RANBP17: variants seen among roughly 807,000 people sequenced by gnomAD.
RANBP17 encodes the protein ran-binding protein 17.
A neutral mutation model predicts 141.2 loss-of-function variants in RANBP17; 158 were observed. The ratio of observed to expected loss-of-function variants is 1.12; its 90% confidence interval spans 0.98 to 1.28. The LOEUF is 1.28. RANBP17 is among the 50% of genes most tolerant of loss of function. The pLI, the probability that RANBP17 is intolerant of heterozygous loss-of-function variation, is 0.00. For synonymous variants in RANBP17, 430 were observed against 450.0 expected, an observed-to-expected ratio of 0.96 and a Z score of 0.56; for missense variants, 1,438 against 1,290.7, an observed-to-expected ratio of 1.11 and a Z score of -1.75.
At chr5:171,263,610 A>C (rs922505825) in intron 24 of RANBP17, among the ~76,000 whole-genome samples, 1 of 152,188 alleles carries the variant, frequency 6.6e-6, no homozygotes, top group African/African-American at 2.4e-5. Flanking sequence ...GATGCCCTCA[A>C]GTAAGATCCT....
intron 12 of RANBP17, among the ~76,000 whole-genome samples, chr5:170,941,243 G>A (rs1774303504): frequency 1.3e-5 from 2 of 151,558 alleles, no homozygotes; most frequent in South Asian, 4.2e-4. Flanking sequence ...GGAGAAAGAA[G>A]GAAACGAAGC....
intron 21 of RANBP17, among the ~76,000 whole-genome samples, chr5:171,213,980 G>A (rs1248168639): frequency 3.9e-5 from 6 of 152,184 alleles, no homozygotes; most frequent in African/African-American, 7.2e-5. Flanking sequence ...TTGGAAGACT[G>A]CAGCCACCAT....
At chr5:170,933,575 A>G (rs1461435790) in intron 12 of RANBP17, among the ~76,000 whole-genome samples, 1 of 152,200 alleles carries the variant, frequency 6.6e-6, no homozygotes, top group Non-Finnish European at 1.5e-5. Context: ...CCCTCTACAC[A>G]ATGCTTTAAA....
rs193085102 is a variant in RANBP17, at chr5:171,027,510, A to G, written c.1710+59133A>G. ...TTTTTCTGAAATTTTTTGTTTTGCAACGTGCCTTCATAAGAAACTCATCGA... is the reference window on the plus strand; with the variant it reads ...TTTTTCTGAAATTTTTTGTTTTGCAGCGTGCCTTCATAAGAAACTCATCGA... On this transcript the variant is annotated intron_variant, in intron 14 of 27. Coordinates refer to ENST00000523189, the MANE Select transcript of RANBP17 (RefSeq NM_022897.5). 1.0e-3 allele frequency among the ~76,000 whole-genome samples: 152 copies of G among 152,134 alleles called. 2 individuals carry two copies. Among genetic ancestry groups the G allele is most frequent in the African/African-American group, 3.4e-3 (143 of 41,510 alleles).
intron 16 of RANBP17, among the ~76,000 whole-genome samples, chr5:171,173,988 C>G (rs1321440494): frequency 2.0e-5 from 3 of 152,128 alleles, no homozygotes; most frequent in African/African-American, 7.2e-5. Flanking sequence ...TAGTCTAGTT[C>G]CTAAATAATG....
chr5:170,968,476 G>A (rs761907584), intron 14 of RANBP17, 99 bp downstream of exon 14: 14 of 1,075,150 alleles, frequency 1.3e-5, no homozygotes, highest in Middle Eastern at 2.1e-4. Context: ...TACATAAGAC[G>A]TGTAATTGAT....
At chr5:171,280,627 T>C (rs1439302421) in intron 25 of RANBP17, among the ~76,000 whole-genome samples, 1 of 152,220 alleles carries the variant, frequency 6.6e-6, no homozygotes, top group Non-Finnish European at 1.5e-5. Flanking sequence ...TGTGAGTTTA[T>C]ATAGTGTGTT....
At chr5:171,244,483 G>C (rs1765089422) in intron 24 of RANBP17, among the ~76,000 whole-genome samples, 2 of 152,228 alleles carry the variant, frequency 1.3e-5, no homozygotes, top group Middle Eastern at 3.4e-3. Context: ...GTCTGACTCT[G>C]TTGCCCAGGC....
intron 14 of RANBP17, among the ~76,000 whole-genome samples, chr5:171,025,453 A>G (rs572914500): frequency 2.2e-4 from 33 of 152,168 alleles, no homozygotes; most frequent in African/African-American, 7.7e-4. Context: ...TCTTTCTTGC[A>G]TGGAATGGCT....
chr5:170,884,109 G>A (rs1423119328), intron 3 of RANBP17, among the ~76,000 whole-genome samples: 1 of 152,164 alleles, frequency 6.6e-6, no homozygotes, highest in African/African-American at 2.4e-5. Context: ...ATCCTTGCCA[G>A]CATTTGCCAT....
chr5:170,967,744 G>A (rs930077674), intron 13 of RANBP17, among the ~76,000 whole-genome samples: 1 of 151,468 alleles, frequency 6.6e-6, no homozygotes, highest in Non-Finnish European at 1.5e-5. Context: ...TATTCATTAA[G>A]GGCAGGATAT....
intron 12 of RANBP17, among the ~76,000 whole-genome samples, chr5:170,926,511 C>G (rs557484147): frequency 2.6e-5 from 4 of 152,052 alleles, no homozygotes; most frequent in South Asian, 4.1e-4. Flanking sequence ...CTTTCTTTCA[C>G]TGATTTGTAG....
chr5:171,252,996 C>T (rs1287055449), intron 24 of RANBP17: 36 of 1,232,730 alleles, frequency 2.9e-5, no homozygotes, highest in Non-Finnish European at 3.6e-5. Context: ...GAGGGGGAAC[C>T]GTGATGAAGA....
chr5:171,277,489 T>G (rs540854279), intron 25 of RANBP17, among the ~76,000 whole-genome samples: 19 of 151,250 alleles, frequency 1.3e-4, no homozygotes, highest in Non-Finnish European at 2.2e-4. Context: ...CCTGCAGGGT[T>G]TCTGGGACAT....
chr5:170,944,779 T>C (rs1214948831), intron 12 of RANBP17, among the ~76,000 whole-genome samples: 4 of 152,206 alleles, frequency 2.6e-5, no homozygotes, highest in African/African-American at 9.6e-5. Context: ...AAGAAAATGC[T>C]CATAATTAAT....
intron 25 of RANBP17, among the ~76,000 whole-genome samples, chr5:171,278,857 A>G (rs538277466): frequency 6.6e-6 from 1 of 152,336 alleles, no homozygotes; most frequent in Admixed American, 6.5e-5. Context: ...ACCAATGAGT[A>G]TAGACTTACC....
chr5:171,149,291 T>C (rs1758305938), intron 14 of RANBP17, among the ~76,000 whole-genome samples: 1 of 152,246 alleles, frequency 6.6e-6, no homozygotes, highest in Non-Finnish European at 1.5e-5. Context: ...ATGTGTCCAC[T>C]GAAGTCCACA....
At chr5:171,082,922 C>G (rs1390460859) in intron 14 of RANBP17, among the ~76,000 whole-genome samples, 1 of 150,458 alleles carries the variant, frequency 6.6e-6, no homozygotes, top group Non-Finnish European at 1.5e-5. Flanking sequence ...TTATTTACTT[C>G]TTGTTTCAAG....
intron 12 of RANBP17, among the ~76,000 whole-genome samples, chr5:170,930,825 G>T (rs1024864783): frequency 6.6e-6 from 1 of 152,136 alleles, no homozygotes; most frequent in Non-Finnish European, 1.5e-5. Flanking sequence ...GGACATGTGG[G>T]TTGGTTCCAA....
Sources: gnomAD v4.1 joint callset for allele counts (sites outside exome capture counted in the v4.1 genomes callset) on GRCh38, gnomAD v4.1.1 for gene constraint, MANE v1.5 for transcripts, NCBI Gene and HGNC (gene_info 2026-07-23, HGNC 2026-07-21) for gene names.